SLCO3A1: variants seen among roughly 807,000 people sequenced by gnomAD.
SLCO3A1 encodes PGE1 transporter.
In SLCO3A1, 27 loss-of-function variants were observed where a neutral mutation model predicts 63.1. That is an observed-to-expected ratio of 0.43 (90% CI 0.32 to 0.59). SLCO3A1 has a LOEUF of 0.59. Among genes scored for constraint, SLCO3A1 ranks in the 20% least tolerant of loss-of-function variants. SLCO3A1 has a pLI of 0.09. For missense variants in SLCO3A1, 773 were observed against 945.8 expected, an observed-to-expected ratio of 0.82 and a Z score of 2.40; for synonymous variants, 473 against 409.9, an observed-to-expected ratio of 1.15 and a Z score of -1.86.
downstream of SLCO3A1, among the ~76,000 whole-genome samples, chr15:92,166,595 C>T (rs1046124138): frequency 1.3e-5 from 2 of 152,152 alleles, no homozygotes; most frequent in African/African-American, 4.8e-5. Context: ...CCCTTACAGT[C>T]AAAAAGCCTG....
intron 4 of SLCO3A1, among the ~76,000 whole-genome samples, chr15:92,110,785 G>A (rs2047719230): frequency 6.6e-6 from 1 of 152,180 alleles, no homozygotes; most frequent in Non-Finnish European, 1.5e-5. Flanking sequence ...CTATGTGATA[G>A]GGGAGGGAGT....
Position 91,860,139 on chromosome 15 carries a change from A to AGCAGGGCAGGCAGGACTGGCTGG in SLCO3A1, c.180+6054_180+6076dup, listed in dbSNP as rs1897012646. The stretch of plus-strand genomic sequence containing the variant: ...TCCATGGGTACTTGAAGGAGGTTAA[A>AGCAGGGCAGGCAGGACTGGCTGG]GCAGGGCAGGCAGGACTGGCTGGGC... On this transcript the variant is annotated intron_variant, in intron 1 of 9. Transcript: ENST00000318445. The surrounding 1 kb of genome is among the most constrained non-coding windows in gnomAD (Gnocchi z 5.5). Among the ~76,000 whole-genome samples the AGCAGGGCAGGCAGGACTGGCTGG allele has an allele frequency of 2.0e-5, 3 of 152,200 alleles. No individual in the cohort carries two copies. The highest frequency in any genetic ancestry group is 4.4e-5 in the Non-Finnish European group (3 of 68,042).
chr15:91,884,577 T>C (rs1334733565), intron 1 of SLCO3A1, among the ~76,000 whole-genome samples: 1 of 151,502 alleles, frequency 6.6e-6, no homozygotes, highest in African/African-American at 2.4e-5. Context: ...TAATATTAAA[T>C]TGTTTTAAAA....
chr15:91,878,580 T>C (rs1162538934), intron 1 of SLCO3A1, among the ~76,000 whole-genome samples: 1 of 152,190 alleles, frequency 6.6e-6, no homozygotes, highest in East Asian at 1.9e-4. Context: ...GCAGACAGTG[T>C]TAAGAATGGC....
At position 92,164,218 on chromosome 15, in the gene SLCO3A1, T is replaced by G. The variant is rs1379063690; in HGVS notation, c.*1083T>G. On this transcript the variant is annotated 3_prime_UTR_variant, in exon 10 of 10. Coordinates refer to ENST00000318445, the MANE Select transcript of SLCO3A1 (RefSeq NM_013272.4). ...CCTTTTTTAATGCACCAAAAATATG[T>G]GATACAAGGGATGCAATTAACCTAT... 5.1e-6 allele frequency: 5 copies of G among 985,156 alleles called. No individual in the cohort carries two copies. Among genetic ancestry groups the G allele is most frequent in the Non-Finnish European group, 6.0e-6 (5 of 829,730 alleles). The allele number at this position is 985,156 out of a possible 1,614,324, so 61.0% of individuals were successfully genotyped here.
At chr15:92,171,203 T>C (rs1240964066) in intron 10 of SLCO3A1, 1 of 152,568 alleles carries the variant, frequency 6.6e-6, no homozygotes, top group Non-Finnish European at 1.5e-5. Context: ...GTTGTGTTTT[T>C]AATACCTTTA....
At chr15:92,133,318 A>T (rs573960233) in intron 7 of SLCO3A1, among the ~76,000 whole-genome samples, 2 of 146,428 alleles carry the variant, frequency 1.4e-5, no homozygotes, top group East Asian at 3.9e-4. Context: ...GACACTGAGT[A>T]TTCATCATTC....
intron 1 of SLCO3A1, among the ~76,000 whole-genome samples, chr15:91,892,482 T>C (rs999486352): frequency 6.6e-6 from 1 of 152,222 alleles, no homozygotes; most frequent in African/African-American, 2.4e-5. Context: ...GTAGGACTTA[T>C]CCTCTGGCTC....
chr15:91,940,051 A>G (rs1899564871), intron 2 of SLCO3A1, among the ~76,000 whole-genome samples: 1 of 152,022 alleles, frequency 6.6e-6, no homozygotes, highest in Non-Finnish European at 1.5e-5. Context: ...ACATGTTCCC[A>G]TTGGGCCCTA....
At position 91,916,911 on chromosome 15, in the gene SLCO3A1, A is replaced by G. The variant is rs1449262881; in HGVS notation, c.646+453A>G. Among the ~76,000 whole-genome samples, 2 of 152,208 alleles carry G rather than the reference A, an allele frequency of 1.3e-5. No individual in the cohort carries two copies. The highest frequency in any genetic ancestry group is 4.8e-5 in the African/African-American group (2 of 41,440). Reference sequence around the variant, plus strand: ...GGTGATGGCTTTGCCAGCATTTGGCATCATTCGAAGTTGGTGACTTCCGGT... The same window carrying G: ...GGTGATGGCTTTGCCAGCATTTGGCGTCATTCGAAGTTGGTGACTTCCGGT... On this transcript the variant is annotated intron_variant, in intron 2 of 9. Transcript: ENST00000318445. The surrounding 1 kb of genome is among the most constrained non-coding windows in gnomAD (Gnocchi z 6.2).
chr15:92,143,980 A>C (rs926755161), intron 7 of SLCO3A1, among the ~76,000 whole-genome samples: 4 of 152,198 alleles, frequency 2.6e-5, no homozygotes, highest in South Asian at 2.1e-4. Flanking sequence ...AGAGGTGGGC[A>C]TGGCGCCTCC....
chr15:91,905,303 C>G (rs978940541), intron 1 of SLCO3A1, among the ~76,000 whole-genome samples: 11 of 152,224 alleles, frequency 7.2e-5, no homozygotes, highest in Middle Eastern at 3.4e-3. Context: ...TATAGCTATC[C>G]CTTGGGATCT....
chr15:91,926,602 C>CGCACGCGT (rs1555450196), intron 2 of SLCO3A1, among the ~76,000 whole-genome samples: 4 of 34,880 alleles, frequency 1.1e-4, no homozygotes, highest in African/African-American at 7.5e-4. Flanking sequence ...TGTGTGCGCG[C>CGCACGCGT]GCGCACGCCC....
Position 91,882,096 on chromosome 15 carries a change from G to A in SLCO3A1, c.180+28008G>A, listed in dbSNP as rs1897603435. Among the ~76,000 whole-genome samples, 1 of 152,172 alleles carries A rather than the reference G, an allele frequency of 6.6e-6. No homozygotes were observed. ...ATTACTCAAGGACATCCCCTTAGTT[G>A]CCTAGAAGGGAAGCAGTGCATTCCA... On this transcript the variant is annotated intron_variant, in intron 1 of 9. Transcript: ENST00000318445. The surrounding 1 kb of genome is among the most constrained non-coding windows in gnomAD (Gnocchi z 4.4).
intron 2 of SLCO3A1, among the ~76,000 whole-genome samples, chr15:92,066,762 G>T (rs1190199440): frequency 2.0e-5 from 3 of 152,230 alleles, no homozygotes; most frequent in African/African-American, 7.2e-5. Flanking sequence ...GCCCTGTCAA[G>T]GTTGGCCGTT....
chr15:91,904,416 G>A (rs890534864), intron 1 of SLCO3A1, among the ~76,000 whole-genome samples: 2 of 133,294 alleles, frequency 1.5e-5, no homozygotes, highest in African/African-American at 2.5e-5. Context: ...TTGCAGGTGC[G>A]TGATACATTG....
At chr15:92,038,356 CATGGGAATGT>C (rs2046753204) in intron 2 of SLCO3A1, among the ~76,000 whole-genome samples, 1 of 152,126 alleles carries the variant, frequency 6.6e-6, no homozygotes, top group Non-Finnish European at 1.5e-5. Context: ...AAGGGAAATG[CATGGGAATGT>C]AGAAGTAGCT....
intron 2 of SLCO3A1, among the ~76,000 whole-genome samples, chr15:92,024,877 C>A (rs1024832048): frequency 4.6e-5 from 7 of 151,772 alleles, no homozygotes; most frequent in Admixed American, 4.6e-4. Context: ...ATCAACCCAC[C>A]TACCCACCCA....
At chr15:92,096,877 A>G (rs893634999) in intron 3 of SLCO3A1, among the ~76,000 whole-genome samples, 1 of 152,186 alleles carries the variant, frequency 6.6e-6, no homozygotes, top group African/African-American at 2.4e-5. Flanking sequence ...GGTGTTTTGC[A>G]GCCGTCGGCT....
Sources: gnomAD v4.1 joint callset for allele counts (sites outside exome capture counted in the v4.1 genomes callset) on GRCh38, gnomAD v4.1.1 for gene constraint, Gnocchi (gnomAD v3.1) non-coding constraint, MANE v1.5 for transcripts, NCBI Gene and HGNC (gene_info 2026-07-23, HGNC 2026-07-21) for gene names.